The following UQCC1 variants were observed in gnomAD, a reference collection of about 807,000 sequenced individuals.
UQCC1 encodes the protein ubiquinol-cytochrome c reductase complex assembly factor 1.
Under a neutral mutation model 48.0 loss-of-function variants are expected in UQCC1, and 38 were observed. That is an observed-to-expected ratio of 0.79 (90% CI 0.61 to 1.04). The LOEUF (loss-of-function observed/expected upper bound fraction) is 1.04, where lower values mean the gene tolerates loss of function less well. Ranked by LOEUF, UQCC1 falls within the 50% of genes least tolerant of loss-of-function variation. The pLI is 0.00. For missense variants in UQCC1, 368 were observed against 381.8 expected (o/e 0.96, Z 0.30); for synonymous variants, 111 against 129.2 (o/e 0.86, Z 0.95).
chr20:35,411,851 G>A, intron 1 of UQCC1, 89 bp downstream of exon 1: 5 of 1,569,270 alleles, frequency 3.2e-6, no homozygotes, highest in Non-Finnish European at 4.4e-6. Flanking sequence ...CTTCCCTCCT[G>A]CGATTCCTTC....
At chr20:35,391,890 A>G (rs538748301) in intron 2 of UQCC1, among the ~76,000 whole-genome samples, 1 of 152,330 alleles carries the variant, frequency 6.6e-6, no homozygotes, top group East Asian at 1.9e-4. Flanking sequence ...CAACTCTTAC[A>G]TAAGTCTAAA....
At chr20:35,384,481 T>A (rs1409513220) in intron 2 of UQCC1, 2 of 293,008 alleles carry the variant, frequency 6.8e-6, no homozygotes, top group Non-Finnish European at 1.4e-5. Flanking sequence ...TTTCTACAAA[T>A]TTTTTTTTAA....
intron 8 of UQCC1, among the ~76,000 whole-genome samples, chr20:35,308,690 G>C (rs1391607426): frequency 1.3e-5 from 2 of 152,202 alleles, no homozygotes; most frequent in Non-Finnish European, 2.9e-5. Flanking sequence ...AAGTAGAATA[G>C]ATATTATATT....
At chr20:35,411,399 T>TC (rs2062361929) in intron 1 of UQCC1, among the ~76,000 whole-genome samples, 1 of 152,148 alleles carries the variant, frequency 6.6e-6, no homozygotes, top group South Asian at 2.1e-4. Flanking sequence ...CAGACATGAC[T>TC]CCAATTCTCA....
rs774019144 is a variant in UQCC1, at chr20:35,382,062, C to CA, written c.226-38dup. The CA allele has an allele frequency of 9.2e-6, 13 of 1,408,672 alleles. No individual in the cohort carries two copies. In the Admixed American group the frequency reaches 2.7e-4, roughly 29 times the overall value. The allele number at this position is 1,408,672 out of a possible 1,614,324, so 87.3% of individuals were successfully genotyped here. ...AAAAGAAAAAAACTAAAATTAGTTG[C>CA]AAAAAATTTTTAATAGAATGCTTTG... On this transcript the variant is annotated intron_variant, in intron 3 of 9. Transcript: ENST00000374385.
rs1183843739 is a variant in UQCC1, at chr20:35,410,704, CAAAAAA to C, written c.24+1230_24+1235del. Among the ~76,000 whole-genome samples the C allele has an allele frequency of 1.5e-3, 4 of 2,710 alleles. 1 individual carries two copies. Among genetic ancestry groups the C allele is most frequent in the Non-Finnish European group, 2.6e-3 (4 of 1,550 alleles). The allele number at this position is 2,710 out of a possible 152,430, so 1.8% of individuals were successfully genotyped here. ...TCGGCGACAGAGCAAGACTCTGCCT[CAAAAAA>C]AAAAAAAAAAAAAACAAAACCCTAA... On this transcript the variant is annotated intron_variant, in intron 1 of 9. Transcript: ENST00000374385.
At chr20:35,371,831 G>A (rs1477099037) in intron 5 of UQCC1, among the ~76,000 whole-genome samples, 1 of 151,540 alleles carries the variant, frequency 6.6e-6, no homozygotes, top group Non-Finnish European at 1.5e-5. Flanking sequence ...GCAACATAGT[G>A]AGACCCTGTC....
chr20:35,341,196 G>C lies in UQCC1; in HGVS notation c.573+5968C>G, dbSNP rs948467803. Among the ~76,000 whole-genome samples, 11 of 145,756 alleles carry C rather than the reference G, an allele frequency of 7.5e-5. No individual in the cohort carries two copies. In the Admixed American group the frequency reaches 7.7e-4, roughly 10 times the overall value. On this transcript the variant is annotated intron_variant, in intron 7 of 9. Coordinates refer to ENST00000374385, the MANE Select transcript of UQCC1 (RefSeq NM_018244.5). ...AGGTCGCGCCACTGTACTCCAGTCT[G>C]GGTGACAGAGAGAGACTCCGTCAAA...
intron 7 of UQCC1, among the ~76,000 whole-genome samples, chr20:35,320,219 A>G (rs1338833649): frequency 1.3e-5 from 2 of 152,300 alleles, no homozygotes; most frequent in East Asian, 1.9e-4. Context: ...GGTGCCCCAA[A>G]GTGATTCAAG....
intron 1 of UQCC1, among the ~76,000 whole-genome samples, chr20:35,397,788 G>A (rs1474342005): frequency 3.3e-5 from 5 of 152,116 alleles, no homozygotes; most frequent in Non-Finnish European, 7.4e-5. Flanking sequence ...GGAACCAAAG[G>A]ACCAGGGATA....
At chr20:35,390,448 C>G (rs999692131) in intron 2 of UQCC1, among the ~76,000 whole-genome samples, 49 of 146,978 alleles carry the variant, frequency 3.3e-4, no homozygotes, top group African/African-American at 1.1e-3. Context: ...ATCATAGAAA[C>G]AGAAAGTAGA....
At chr20:35,334,780 CAG>C (rs1305969049) in intron 7 of UQCC1, among the ~76,000 whole-genome samples, 3 of 152,138 alleles carry the variant, frequency 2.0e-5, no homozygotes, top group Non-Finnish European at 4.4e-5. Flanking sequence ...AGAAATCAGA[CAG>C]AGAGTGATGA....
At chr20:35,384,750 C>G in intron 2 of UQCC1, 1 of 387,070 alleles carries the variant, frequency 2.6e-6, no homozygotes, top group Non-Finnish European at 5.0e-6. Context: ...GGATGGATCA[C>G]TTGAGGTCAG....
chr20:35,305,320 A>T (rs1230624701), intron 9 of UQCC1, among the ~76,000 whole-genome samples: 1 of 152,122 alleles, frequency 6.6e-6, no homozygotes, highest in African/African-American at 2.4e-5. Context: ...CGGTTTTTCC[A>T]CTGCCTCTCA....
At chr20:35,362,349 T>C (rs17422052) in intron 6 of UQCC1, among the ~76,000 whole-genome samples, 2,192 of 152,246 alleles carry the variant, frequency 0.014, 28 homozygotes, top group South Asian at 0.055. Flanking sequence ...TGCCATGATA[T>C]GAAACTTTTA....
At chr20:35,361,148 T>C (rs189112546) in intron 6 of UQCC1, among the ~76,000 whole-genome samples, 128 of 152,080 alleles carry the variant, frequency 8.4e-4, no homozygotes, top group Non-Finnish European at 1.5e-3. Context: ...AAGCAGGTCA[T>C]TCCCACCTCC....
chr20:35,362,643 G>A (rs73616653), intron 6 of UQCC1, among the ~76,000 whole-genome samples: 9,000 of 152,212 alleles, frequency 0.059, 394 homozygotes, highest in South Asian at 0.22. Context: ...ACAACCGTGA[G>A]CCACTGGGCC....
At chr20:35,392,423 A>G in intron 2 of UQCC1, 1 of 610,114 alleles carries the variant, frequency 1.6e-6, no homozygotes. Context: ...ATGTTGTCCC[A>G]GAGCCTAATA....
At chr20:35,410,308 C>A (rs1397987192) in intron 1 of UQCC1, among the ~76,000 whole-genome samples, 1 of 151,344 alleles carries the variant, frequency 6.6e-6, no homozygotes, top group Non-Finnish European at 1.5e-5. Flanking sequence ...CCGCAGGAGG[C>A]GGATCATGAG....
Sources: gnomAD v4.1 joint callset for allele counts (sites outside exome capture counted in the v4.1 genomes callset) on GRCh38, gnomAD v4.1.1 for gene constraint, MANE v1.5 for transcripts, NCBI Gene and HGNC (gene_info 2026-07-23, HGNC 2026-07-21) for gene names.